TRIM2: variants seen among roughly 807,000 people sequenced by gnomAD.
TRIM2 encodes the protein tripartite motif containing 2.
Under a neutral mutation model 75.2 loss-of-function variants are expected in TRIM2, and 20 were observed. That is an observed-to-expected ratio of 0.27 (90% CI 0.19 to 0.39). The LOEUF is 0.39. TRIM2 is among the 10% of genes least tolerant of loss of function. The probability of loss-of-function intolerance (pLI) is 1.00; values close to 1 mark genes in which losing one functional copy is unlikely to be tolerated. For synonymous variants in TRIM2, 373 were observed against 388.3 expected (o/e 0.96, Z 0.46); for missense variants, 660 against 990.8 (o/e 0.67, Z 4.48).
rs547302915 is a variant in TRIM2 at position 153,315,349 on chromosome 4, G to C, written c.1511-136G>C. The C allele has an allele frequency of 2.2e-4, 137 of 624,418 alleles. 3 individuals carry two copies. The South Asian group carries it at 3.2e-3, about 15-fold the overall frequency. The allele number at this position is 624,418 out of a possible 1,614,324, so 38.7% of individuals were successfully genotyped here. A position where few individuals can be genotyped will look rare whatever the true frequency, so the allele number is the denominator to read the frequency against. On this transcript the variant is annotated intron_variant, in intron 6 of 11. Coordinates refer to ENST00000338700, the MANE Select transcript of TRIM2 (RefSeq NM_015271.5). ...TATGGATTAGGTTATTGGGGAGGGA[G>C]GGTGCCCTTTTTTTAAAGTATATTT... is the stretch of plus-strand genomic sequence containing the variant.
At position 153,337,236 on chromosome 4, in the gene TRIM2, C is replaced by T. The variant is rs1471378343; in HGVS notation, c.*2270C>T. 3 of 985,454 alleles carry T rather than the reference C, an allele frequency of 3.0e-6. No homozygotes were observed. The African/African-American group carries it at 5.2e-5, about 17-fold the overall frequency. 61.0% of individuals were successfully genotyped at this position (985,454 alleles called of 1,614,324 possible). On this transcript the variant is annotated 3_prime_UTR_variant, in exon 12 of 12. Coordinates refer to ENST00000338700, the MANE Select transcript of TRIM2 (RefSeq NM_015271.5). The stretch of plus-strand genomic sequence containing the variant: ...CTTTTTATTTAGATTCTTTCTGTCC[C>T]AGGCTGTTGATCTTAAAACTAGTTG...
At chr4:153,158,148 G>A (rs1437395610) in intron 1 of TRIM2, among the ~76,000 whole-genome samples, 5 of 152,194 alleles carry the variant, frequency 3.3e-5, no homozygotes, top group Non-Finnish European at 7.3e-5. Flanking sequence ...ACTTAAGTGT[G>A]TCCAGGGACA....
intron 1 of TRIM2, among the ~76,000 whole-genome samples, chr4:153,234,879 T>G (rs1021672762): frequency 6.6e-6 from 1 of 152,212 alleles, no homozygotes; most frequent in African/African-American, 2.4e-5. Flanking sequence ...CAACTCAGCA[T>G]GTCCAAAGTG....
At chr4:153,254,658 G>T (rs1751635448) in intron 1 of TRIM2, among the ~76,000 whole-genome samples, 1 of 152,182 alleles carries the variant, frequency 6.6e-6, no homozygotes, top group African/African-American at 2.4e-5. Context: ...GGTTACCCAA[G>T]CCCCAACTTA....
chr4:153,276,700 A>G (rs1291588119), intron 3 of TRIM2, among the ~76,000 whole-genome samples: 1 of 152,246 alleles, frequency 6.6e-6, no homozygotes, highest in South Asian at 2.1e-4. Context: ...CACAATAGCT[A>G]TGTAACCTGA....
At chr4:153,247,997 T>G (rs1259842739) in intron 1 of TRIM2, among the ~76,000 whole-genome samples, 1 of 90,910 alleles carries the variant, frequency 1.1e-5, no homozygotes, top group Non-Finnish European at 2.7e-5. Context: ...GATCATGTGT[T>G]TTTTTTTTTT....
At chr4:153,283,861 CTTTTTTTT>C (rs71598257) in intron 3 of TRIM2, among the ~76,000 whole-genome samples, 1 of 53,256 alleles carries the variant, frequency 1.9e-5, no homozygotes, top group African/African-American at 8.5e-5. Flanking sequence ...TGGCCTTGAT[CTTTTTTTT>C]TTTTTTTTTT....
chr4:153,309,661 T>A (rs2150212068), intron 6 of TRIM2: 1 of 147,116 alleles, frequency 6.8e-6, no homozygotes, highest in East Asian at 2.0e-4. Context: ...TGAGATGGAG[T>A]CTTGCAGGCT....
intron 1 of TRIM2, among the ~76,000 whole-genome samples, chr4:153,263,816 A>G (rs985747375): frequency 2.0e-5 from 3 of 152,190 alleles, no homozygotes; most frequent in Non-Finnish European, 4.4e-5. Flanking sequence ...TTATAGGCAG[A>G]TGGCCCACAT....
intron 6 of TRIM2, among the ~76,000 whole-genome samples, chr4:153,303,675 C>T (rs1357518320): frequency 1.3e-5 from 2 of 152,160 alleles, no homozygotes; most frequent in African/African-American, 4.8e-5. Flanking sequence ...CAGCCGGTGA[C>T]ATACATACTA....
chr4:153,189,979 A>G (rs918156961), intron 1 of TRIM2, among the ~76,000 whole-genome samples: 17 of 152,236 alleles, frequency 1.1e-4, no homozygotes, highest in African/African-American at 4.1e-4. Context: ...ATTAATATTT[A>G]TGTAGATTTG....
At chr4:153,276,336 C>G in intron 3 of TRIM2, 4 of 594,480 alleles carry the variant, frequency 6.7e-6, no homozygotes, top group Non-Finnish European at 1.2e-5. Context: ...TCCACTGTGT[C>G]TCCTTCACAC....
At position 153,337,908 on chromosome 4, in the gene TRIM2, C is replaced by G; in HGVS notation, c.*2942C>G. ...TTCCTCCCAGTACAGACCCCCCAGCCCCCCTTGCTGGACATGGGGAGGCAG... is the reference window on the plus strand; with the variant it reads ...TTCCTCCCAGTACAGACCCCCCAGCGCCCCTTGCTGGACATGGGGAGGCAG... On this transcript the variant is annotated 3_prime_UTR_variant, in exon 12 of 12. Transcript: ENST00000338700. The G allele has an allele frequency of 1.0e-6, 1 of 985,778 alleles. No homozygotes were observed. The highest frequency in any genetic ancestry group is 1.2e-6 in the Non-Finnish European group (1 of 829,918). 61.1% of individuals were successfully genotyped at this position (985,778 alleles called of 1,614,324 possible).
chr4:153,257,718 G>T, intron 1 of TRIM2: 1 of 725,242 alleles, frequency 1.4e-6, no homozygotes, highest in Non-Finnish European at 2.1e-6. Context: ...AGACTTGGGA[G>T]GATTTAATTC....
At chr4:153,188,513 G>A (rs1284601112) in intron 1 of TRIM2, among the ~76,000 whole-genome samples, 8 of 152,186 alleles carry the variant, frequency 5.3e-5, no homozygotes, top group Non-Finnish European at 1.2e-4. Flanking sequence ...TGGCTCCTCA[G>A]TCAGTCTATT....
At chr4:153,276,217 G>A in intron 3 of TRIM2, 87 bp downstream of exon 3, 1 of 1,075,430 alleles carries the variant, frequency 9.3e-7, no homozygotes, top group South Asian at 1.3e-5. Context: ...ATTACAGATT[G>A]AAACAGAACT....
At chr4:153,189,700 C>A (rs1487113662) in intron 1 of TRIM2, among the ~76,000 whole-genome samples, 1 of 152,226 alleles carries the variant, frequency 6.6e-6, no homozygotes, top group Non-Finnish European at 1.5e-5. Context: ...ATTGATTAAT[C>A]CTTGTGTGTC....
intron 6 of TRIM2, among the ~76,000 whole-genome samples, chr4:153,304,581 A>G (rs955195032): frequency 1.3e-5 from 2 of 152,120 alleles, no homozygotes; most frequent in African/African-American, 4.8e-5. Flanking sequence ...TGGAGCATCA[A>G]ATGAAATGAG....
chr4:153,315,749 T>A, intron 7 of TRIM2, 83 bp from the exon 8 acceptor site: 1 of 1,533,704 alleles, frequency 6.5e-7, no homozygotes, highest in Non-Finnish European at 9.0e-7. Flanking sequence ...GATCTCTGTA[T>A]GTATGGCAGA....
Sources: allele counts gnomAD v4.1 joint callset (sites outside exome capture counted in the v4.1 genomes callset), GRCh38; gene constraint gnomAD v4.1.1; transcripts MANE v1.5; gene names NCBI Gene and HGNC (gene_info 2026-07-23, HGNC 2026-07-21).